The following SH3RF3 variants were observed in gnomAD, a reference collection of about 807,000 sequenced individuals.
SH3RF3 encodes E3 ubiquitin-protein ligase SH3RF3.
SH3RF3 carries 29 observed loss-of-function variants against 66.3 expected under a neutral mutation model. The observed-to-expected ratio is 0.44, with a 90% CI of 0.33 to 0.60. SH3RF3 has a LOEUF of 0.60. SH3RF3 is among the 20% of genes least tolerant of loss of function. The pLI is 0.04. For missense variants in SH3RF3, 1,194 were observed against 1,190.9 expected (o/e 1.00, Z -0.04); for synonymous variants, 583 against 532.0 (o/e 1.10, Z -1.32).
chr2:109,247,145 T>C (rs1013924138), intron 1 of SH3RF3, among the ~76,000 whole-genome samples: 3 of 152,180 alleles, frequency 2.0e-5, no homozygotes, highest in Non-Finnish European at 4.4e-5. Context: ...TCCAGAGACA[T>C]GAAACATGGA....
rs1261892797 is a variant in SH3RF3 at position 109,347,772 on chromosome 2, G to A, written c.672G>A (p.Arg224=). Residue 224 remains arginine (R), a synonymous_variant, in exon 2 of 10, where the codon CGG becomes CGA. Coordinates refer to ENST00000309415, the MANE Select transcript of SH3RF3 (RefSeq NM_001099289.3). The part of the protein sequence containing the change: ...KFNKGDIIVL[R]RKVDEQWYHG... ...ACAAGGGGGACATCATCGTCCTGCG[G>A]CGCAAGGTGGATGAACAGTGGTACC... 7.4e-6 allele frequency: 12 copies of A among 1,613,888 alleles called. No individual in the cohort carries two copies. The highest frequency in any genetic ancestry group is 1.0e-5 in the Non-Finnish European group (12 of 1,179,884).
At chr2:109,429,657 C>A (rs926884418) in intron 5 of SH3RF3, among the ~76,000 whole-genome samples, 1 of 152,274 alleles carries the variant, frequency 6.6e-6, no homozygotes, top group Admixed American at 6.5e-5. Flanking sequence ...TGCCCCAGGC[C>A]GCGCTGACAG....
chr2:109,473,181 A>G (rs2104733279), intron 8 of SH3RF3, among the ~76,000 whole-genome samples: 2 of 152,270 alleles, frequency 1.3e-5, no homozygotes, highest in Middle Eastern at 6.8e-3. Context: ...GGATTTTCCC[A>G]GGGAAGCGGC....
At chr2:109,362,404 A>G (rs1683065698) in intron 2 of SH3RF3, among the ~76,000 whole-genome samples, 2 of 152,208 alleles carry the variant, frequency 1.3e-5, no homozygotes, top group Admixed American at 1.3e-4. Flanking sequence ...TGTCTAATTT[A>G]ATGCTATTGT....
rs965600931 is a variant in SH3RF3 at position 109,129,241 on chromosome 2, C to G, written c.-300C>G. On this transcript the variant is annotated 5_prime_UTR_variant, in exon 1 of 10. Coordinates refer to ENST00000309415, the MANE Select transcript of SH3RF3 (RefSeq NM_001099289.3). ...TGAGCTTCGTGCCCGGCAGCACCCCCGGTCCCCCGCGCGGGGCGGACTTGC... is the reference window on the plus strand; with the variant it reads ...TGAGCTTCGTGCCCGGCAGCACCCCGGGTCCCCCGCGCGGGGCGGACTTGC... 5 of 568,836 alleles carry G rather than the reference C, an allele frequency of 8.8e-6. No individual in the cohort carries two copies. Among genetic ancestry groups the G allele is most frequent in the Non-Finnish European group, 1.6e-5 (5 of 316,084 alleles). The allele number at this position is 568,836 out of a possible 1,614,324, so 35.2% of individuals were successfully genotyped here. A position where few individuals can be genotyped will look rare whatever the true frequency, so the allele number is the denominator to read the frequency against.
intron 9 of SH3RF3, among the ~76,000 whole-genome samples, chr2:109,498,592 A>G (rs527547199): frequency 9.9e-5 from 15 of 152,270 alleles, no homozygotes; most frequent in Admixed American, 7.8e-4. Context: ...TCAGACACCA[A>G]TGTGCAAGCA....
rs142127318 is a variant in SH3RF3 at position 109,336,524 on chromosome 2, C to T, written c.574-11150C>T. 7.9e-3 allele frequency among the ~76,000 whole-genome samples: 1,200 copies of T among 152,322 alleles called. 14 individuals are homozygous for T. The highest frequency in any genetic ancestry group is 0.028 in the African/African-American group (1,144 of 41,578). ...AGGACTCGCTGTGAGGCCCCGTGTA[C>T]CCCGCAGGCTGCTCTTGAAGGAACC... On this transcript the variant is annotated intron_variant, in intron 1 of 9. Coordinates refer to ENST00000309415, the MANE Select transcript of SH3RF3 (RefSeq NM_001099289.3).
intron 1 of SH3RF3, among the ~76,000 whole-genome samples, chr2:109,240,331 C>CA (rs1330171081): frequency 2.0e-5 from 3 of 151,946 alleles, no homozygotes; most frequent in Admixed American, 6.6e-5. Context: ...ACTAAAAATA[C>CA]AAAAAAATTA....
intron 1 of SH3RF3, among the ~76,000 whole-genome samples, chr2:109,256,308 C>A (rs1233237426): frequency 2.6e-5 from 4 of 152,182 alleles, no homozygotes; most frequent in African/African-American, 9.7e-5. Flanking sequence ...GGGAAGTTGA[C>A]GCTGTGACGT....
intron 3 of SH3RF3, among the ~76,000 whole-genome samples, chr2:109,374,386 T>A (rs962143648): frequency 6.6e-6 from 1 of 152,200 alleles, no homozygotes; most frequent in African/African-American, 2.4e-5. Flanking sequence ...AACAGGTGTT[T>A]CCTGGGACTT....
intron 1 of SH3RF3, among the ~76,000 whole-genome samples, chr2:109,254,611 G>A (rs968747649): frequency 3.3e-5 from 5 of 152,170 alleles, no homozygotes; most frequent in African/African-American, 7.2e-5. Context: ...CCATGACCCC[G>A]TGAGAAGGTT....
At chr2:109,458,383 C>T (rs535203132) in intron 8 of SH3RF3, among the ~76,000 whole-genome samples, 2 of 152,160 alleles carry the variant, frequency 1.3e-5, no homozygotes, top group Non-Finnish European at 2.9e-5. Flanking sequence ...TTTATGGCTT[C>T]ATCACCTGCC....
In SH3RF3 at chr2:109,415,546, T is replaced by C. The variant is rs115849726; in HGVS notation, c.1300-3993T>C. Reference sequence around the variant, plus strand: ...TCCTGACTCCCTTGCCCTCTGCCGGTGCAGGCTGGGCTCCCTCGCACTTCC... The same window carrying C: ...TCCTGACTCCCTTGCCCTCTGCCGGCGCAGGCTGGGCTCCCTCGCACTTCC... On this transcript the variant is annotated intron_variant, in intron 4 of 9. Coordinates refer to ENST00000309415, the MANE Select transcript of SH3RF3 (RefSeq NM_001099289.3). Among the ~76,000 whole-genome samples, 507 of 152,170 alleles carry C rather than the reference T, an allele frequency of 3.3e-3. 1 individual carries two copies. Among genetic ancestry groups the C allele is most frequent in the African/African-American group, 0.011 (476 of 41,516 alleles).
chr2:109,412,225 C>T (rs1331324528), intron 4 of SH3RF3, among the ~76,000 whole-genome samples: 2 of 152,258 alleles, frequency 1.3e-5, no homozygotes, highest in African/African-American at 4.8e-5. Flanking sequence ...GCCCAGCAGA[C>T]AAAACACAGT....
chr2:109,429,818 C>T (rs926789380), intron 5 of SH3RF3, among the ~76,000 whole-genome samples: 3 of 152,218 alleles, frequency 2.0e-5, no homozygotes, highest in Admixed American at 6.5e-5. Context: ...CAGGGCCACC[C>T]GAGCAGAGGT....
chr2:109,386,735 AG>A (rs35198803), intron 3 of SH3RF3, among the ~76,000 whole-genome samples: 1 of 152,202 alleles, frequency 6.6e-6, no homozygotes, highest in Non-Finnish European at 1.5e-5. Context: ...GCTGTCACCT[AG>A]GGCTGGAAAC....
chr2:109,496,781 G>C (rs1679272765), intron 9 of SH3RF3, among the ~76,000 whole-genome samples: 1 of 107,858 alleles, frequency 9.3e-6, no homozygotes, highest in South Asian at 2.8e-4. Context: ...ACATGGCAAA[G>C]AGAAATCAGG....
intron 4 of SH3RF3, among the ~76,000 whole-genome samples, chr2:109,407,307 A>C (rs748314138): frequency 9.2e-5 from 14 of 152,220 alleles, no homozygotes; most frequent in Non-Finnish European, 1.9e-4. Flanking sequence ...GAAATTCAGC[A>C]GGGAGAACAT....
At chr2:109,253,894 TTTC>T (rs1367747762) in intron 1 of SH3RF3, among the ~76,000 whole-genome samples, 1 of 152,094 alleles carries the variant, frequency 6.6e-6, no homozygotes, top group East Asian at 1.9e-4. Context: ...TGAACTGCAT[TTTC>T]TTCTTTCTAA....
Sources: allele counts gnomAD v4.1 joint callset (sites outside exome capture counted in the v4.1 genomes callset), GRCh38; gene constraint gnomAD v4.1.1; transcripts MANE v1.5; gene names NCBI Gene and HGNC (gene_info 2026-07-23, HGNC 2026-07-21).